The following ARHGEF10L variants were observed in gnomAD, a reference collection of about 807,000 sequenced individuals.
ARHGEF10L encodes rho guanine nucleotide exchange factor 10-like protein.
ARHGEF10L carries 69 observed loss-of-function variants against 141.2 expected under a neutral mutation model. That is an observed-to-expected ratio of 0.49 (90% confidence interval 0.40 to 0.60). The LOEUF (loss-of-function observed/expected upper bound fraction) is 0.60. Ranked by LOEUF, ARHGEF10L falls within the 20% of genes least tolerant of loss-of-function variation. The pLI, the probability that ARHGEF10L is intolerant of heterozygous loss-of-function variation, is 0.00. For missense variants in ARHGEF10L, 1,482 were observed against 1,734.3 expected (o/e 0.85, Z 2.58); for synonymous variants, 711 against 718.5 (o/e 0.99, Z 0.17).
chr1:17,522,559 A>AG, the ARHGEF10L span, among the ~76,000 whole-genome samples: 1 of 143,390 alleles, frequency 7.0e-6, no homozygotes, highest in African/African-American at 2.6e-5. Context: ...TTTCCTCCAG[A>AG]GAAATCCTCG....
At chr1:17,606,821 C>T (rs2081221565) in intron 6 of ARHGEF10L, among the ~76,000 whole-genome samples, 1 of 152,190 alleles carries the variant, frequency 6.6e-6, no homozygotes, top group Admixed American at 6.5e-5. Context: ...GGCTGGGACC[C>T]TGTGTTCCGG....
chr1:17,617,581 G>A (rs1035382126), intron 9 of ARHGEF10L, among the ~76,000 whole-genome samples: 3 of 152,242 alleles, frequency 2.0e-5, no homozygotes, highest in Admixed American at 6.5e-5. Flanking sequence ...TGGGATGCCA[G>A]TTCTCTTTGG....
intron 1 of ARHGEF10L, among the ~76,000 whole-genome samples, chr1:17,566,796 C>T (rs953963586): frequency 1.2e-4 from 19 of 152,218 alleles, no homozygotes; most frequent in African/African-American, 4.1e-4. Context: ...ACCAAGTGCT[C>T]ATCAGCAAAC....
intron 26 of ARHGEF10L, among the ~76,000 whole-genome samples, chr1:17,683,542 A>G (rs964605586): frequency 2.6e-5 from 4 of 152,178 alleles, no homozygotes; most frequent in African/African-American, 9.6e-5. Flanking sequence ...CTGTGGGCCC[A>G]GGAGGCTCAG....
chr1:17,626,285 T>G (rs1408084615), intron 14 of ARHGEF10L, among the ~76,000 whole-genome samples: 1 of 152,020 alleles, frequency 6.6e-6, no homozygotes, highest in African/African-American at 2.4e-5. Context: ...GTGGCCTGAG[T>G]CTGGGTTGCA....
At chr1:17,567,510 G>A (rs2077809170) in intron 1 of ARHGEF10L, among the ~76,000 whole-genome samples, 1 of 152,196 alleles carries the variant, frequency 6.6e-6, no homozygotes, top group South Asian at 2.1e-4. Context: ...GGGATTACAG[G>A]CATGTGCCAC....
intron 15 of ARHGEF10L, among the ~76,000 whole-genome samples, chr1:17,632,040 G>A (rs1212055448): frequency 1.3e-5 from 2 of 152,232 alleles, no homozygotes; most frequent in African/African-American, 4.8e-5. Context: ...GGCTGGCAAT[G>A]GCTGGCTCAC....
At chr1:17,541,741 G>A (rs1286045285) in intron 1 of ARHGEF10L, among the ~76,000 whole-genome samples, 1 of 152,224 alleles carries the variant, frequency 6.6e-6, no homozygotes, top group Non-Finnish European at 1.5e-5. Context: ...GCTGAGGTGG[G>A]CGGATTACCT....
chr1:17,637,680 T>A (rs1162920839), intron 18 of ARHGEF10L, among the ~76,000 whole-genome samples: 3 of 152,230 alleles, frequency 2.0e-5, no homozygotes, highest in Admixed American at 2.0e-4. Flanking sequence ...TTTCTTTGTA[T>A]TTTTTAGTAC....
chr1:17,603,475 C>T lies in ARHGEF10L; in HGVS notation c.350-33C>T, dbSNP rs759510457. 31 of 1,587,008 alleles carry T rather than the reference C, an allele frequency of 2.0e-5. No homozygotes were observed. Among genetic ancestry groups the T allele is most frequent in the South Asian group, 9.0e-5 (8 of 88,642 alleles). On this transcript the variant is annotated intron_variant, in intron 5 of 28. Transcript: ENST00000361221. The surrounding 1 kb of genome is among the most constrained non-coding windows in gnomAD (Gnocchi z 4.8). ...CCTCTGGCCAGGCTGCCACAGCCCA[C>T]GGTGGTGCTCTCTCTCCCCACTTCC...
chr1:17,537,415 G>T (rs1011059217), upstream of ARHGEF10L, among the ~76,000 whole-genome samples: 1 of 151,904 alleles, frequency 6.6e-6, no homozygotes, highest in East Asian at 1.9e-4. Flanking sequence ...CCTGTGCTGG[G>T]CTCTGAGGGC....
At chr1:17,575,224 T>C (rs1367891620) in intron 1 of ARHGEF10L, among the ~76,000 whole-genome samples, 1 of 152,170 alleles carries the variant, frequency 6.6e-6, no homozygotes, top group East Asian at 1.9e-4. Flanking sequence ...CATGTACCTG[T>C]CCCAGCACCA....
At chr1:17,564,681 A>G (rs577963656) in intron 1 of ARHGEF10L, among the ~76,000 whole-genome samples, 299 of 152,286 alleles carry the variant, frequency 2.0e-3, no homozygotes, top group African/African-American at 6.8e-3. Context: ...CTATGCCTCT[A>G]TTTCCTAACC....
chr1:17,626,012 C>T lies in ARHGEF10L; in HGVS notation c.1374C>T (p.Pro458=). The T allele has an allele frequency of 6.2e-7, 1 of 1,613,988 alleles. No individual in the cohort carries two copies. ...RVTLYGLMVK[P]IQRFPQFILL... ...CCCTCTACGGGCTGATGGTCAAGCC[C>T]ATCCAGAGGTTCCCACAGTTCATAC... The change falls in exon 14 of 29, where the codon CCC becomes CCT. Residue 458 remains proline, a synonymous_variant. Coordinates refer to ENST00000361221, the MANE Select transcript of ARHGEF10L (RefSeq NM_018125.4).
intron 1 of ARHGEF10L, 49 bp from the exon 2 acceptor site, chr1:17,580,504 A>G (rs2078446015): frequency 1.3e-6 from 2 of 1,541,492 alleles, no homozygotes; most frequent in Non-Finnish European, 1.8e-6. Context: ...AGTAGCTGAA[A>G]CTGCAGCCCT....
In ARHGEF10L at chr1:17,697,279, T is replaced by C; in HGVS notation, c.3739T>C (p.Tyr1247His). 1 of 1,612,762 alleles carries C rather than the reference T, an allele frequency of 6.2e-7. No homozygotes were observed. Among genetic ancestry groups the C allele is most frequent in the Non-Finnish European group, 8.5e-7 (1 of 1,179,850 alleles). Residue 1247 changes from tyrosine (Y) to histidine (H), a missense_variant, in exon 29 of 29, where the codon TAC (tyrosine) becomes CAC (histidine). Physicochemically the swap from Tyr to His is moderately conservative, Grantham distance 83. Around this residue, in one of 3 missense-constraint regions of ARHGEF10L, gnomAD observed 858 missense variants for 966.3 expected, o/e 0.89. Transcript: ENST00000361221. The surrounding 1 kb of genome is among the most constrained non-coding windows in gnomAD (Gnocchi z 4.8). ...SVAIISGGQG[Y>H]RNFGSALGSS... ...GGCCATCATCTCCGGCGGGCAGGGC[T>C]ACCGCAACTTTGGCAGCGCTCTGGG...
chr1:17,654,819 C>A lies in ARHGEF10L; in HGVS notation c.2481+97C>A. The A allele has an allele frequency of 8.9e-7, 1 of 1,127,608 alleles. No homozygotes were observed. 69.9% of individuals were successfully genotyped at this position (1,127,608 alleles called of 1,614,324 possible). A position where few individuals can be genotyped will look rare whatever the true frequency, so the allele number is the denominator to read the frequency against. On this transcript the variant is annotated intron_variant, in intron 23 of 28. Transcript: ENST00000361221. The surrounding 1 kb of genome is among the most constrained non-coding windows in gnomAD (Gnocchi z 4.3). ...GGGTGCTGGAGACAGCAGCTGCCTG[C>A]CTCATCTCATGCAGCTTCATCCACC...
intron 2 of ARHGEF10L, among the ~76,000 whole-genome samples, chr1:17,585,624 G>A (rs2078963570): frequency 6.6e-6 from 1 of 152,190 alleles, no homozygotes; most frequent in Non-Finnish European, 1.5e-5. Context: ...TTGCAGTCGA[G>A]CAGCTGAAGA....
At chr1:17,640,128 T>C (rs571841055) in intron 20 of ARHGEF10L, 74 bp from the exon 21 acceptor site, 31 of 1,539,668 alleles carry the variant, frequency 2.0e-5, no homozygotes, top group South Asian at 1.1e-4. Context: ...TTGGAGGAAG[T>C]ACTACGTGAC....
Sources: allele counts gnomAD v4.1 joint callset (sites outside exome capture counted in the v4.1 genomes callset), GRCh38; gene constraint gnomAD v4.1.1; regional missense constraint gnomAD v4.1.1; non-coding constraint Gnocchi (gnomAD v3.1); transcripts MANE v1.5; gene names NCBI Gene and HGNC (gene_info 2026-07-23, HGNC 2026-07-21).